MYBL1: variants seen among roughly 807,000 people sequenced by gnomAD.
MYBL1 encodes MYB proto-oncogene like 1.
A neutral mutation model predicts 96.3 loss-of-function variants in MYBL1; 17 were observed. That is an observed-to-expected ratio of 0.18 (90% CI 0.12 to 0.26). The LOEUF (loss-of-function observed/expected upper bound fraction) is 0.26. Among genes scored for constraint, MYBL1 ranks in the 10% least tolerant of loss-of-function variants. The pLI, the probability that MYBL1 is intolerant of heterozygous loss-of-function variation, is 1.00. For missense variants in MYBL1, 701 were observed against 882.9 expected (o/e 0.79, Z 2.61); for synonymous variants, 282 against 292.7 (o/e 0.96, Z 0.37).
At chr8:66,592,824 T>A (rs950389596) in intron 7 of MYBL1, among the ~76,000 whole-genome samples, 2 of 152,124 alleles carry the variant, frequency 1.3e-5, no homozygotes, top group African/African-American at 4.8e-5. Flanking sequence ...TTTATATTTT[T>A]AAATCTTAAT....
In MYBL1 at chr8:66,564,847, T is replaced by C. The variant is rs535695814; in HGVS notation, c.2131-22A>G. On this transcript the variant is annotated intron_variant, in intron 15 of 15. Transcript: ENST00000522677. ...TTGACTAGAAAGGAAATATTAATAG[T>C]GACATGAAAATTATTAAAATAGCTA... The C allele has an allele frequency of 2.6e-6, 4 of 1,512,302 alleles. No homozygotes were observed. The East Asian group carries it at 9.6e-5, about 36-fold the overall frequency. The allele number at this position is 1,512,302 out of a possible 1,614,324, so 93.7% of individuals were successfully genotyped here. A position where few individuals can be genotyped will look rare whatever the true frequency, so the allele number is the denominator to read the frequency against.
intron 10 of MYBL1, among the ~76,000 whole-genome samples, chr8:66,575,479 C>G (rs1808898835): frequency 6.6e-6 from 1 of 152,068 alleles, no homozygotes; most frequent in South Asian, 2.1e-4. Context: ...GAAAATGTCC[C>G]TCTAAAAACT....
intron 15 of MYBL1, 27 bp from the exon 16 acceptor site, chr8:66,564,852 T>A (rs141676020): frequency 2.7e-6 from 4 of 1,488,822 alleles, no homozygotes; most frequent in Non-Finnish European, 3.6e-6. Context: ...AATAGTGACA[T>A]GAAAATTATT....
At chr8:66,573,276 T>C in intron 11 of MYBL1, 88 bp downstream of exon 11, 5 of 1,225,906 alleles carry the variant, frequency 4.1e-6, no homozygotes, top group Non-Finnish European at 5.5e-6. Context: ...GGAATTATGA[T>C]ACTTGCTATT....
In MYBL1 at chr8:66,596,967, C is replaced by T. The variant is rs138370611; in HGVS notation, c.512+363G>A. Among the ~76,000 whole-genome samples the T allele has an allele frequency of 7.2e-4, 110 of 152,170 alleles. 1 individual carries two copies. The highest frequency in any genetic ancestry group is 2.4e-3 in the African/African-American group (101 of 41,556). On this transcript the variant is annotated intron_variant, in intron 5 of 15. Coordinates refer to ENST00000522677, the MANE Select transcript of MYBL1 (RefSeq NM_001080416.4). ...TCATTCCCTGGTCTTACACATAGAA[C>T]GCAATATGAAAGAAATCTTAGATTT...
At chr8:66,578,128 G>T (rs11987596) in intron 9 of MYBL1, among the ~76,000 whole-genome samples, 11,766 of 151,350 alleles carry the variant, frequency 0.078, 896 homozygotes, top group African/African-American at 0.19. Flanking sequence ...ATAAAAACCC[G>T]AGAAGAAAAC....
intron 8 of MYBL1, 110 bp from the exon 9 acceptor site, chr8:66,580,476 C>G: frequency 1.4e-6 from 1 of 712,306 alleles, no homozygotes. Context: ...AATATTTTGT[C>G]TTTCCTCAAA....
intron 12 of MYBL1, among the ~76,000 whole-genome samples, chr8:66,570,492 C>A (rs1000634741): frequency 6.6e-6 from 1 of 151,994 alleles, no homozygotes; most frequent in Non-Finnish European, 1.5e-5. Flanking sequence ...TATATGTTCA[C>A]CAAATGACCC....
intron 1 of MYBL1, chr8:66,612,166 T>C (rs1810555529): frequency 6.6e-6 from 1 of 152,250 alleles, no homozygotes; most frequent in South Asian, 2.1e-4. Context: ...AAACACATTG[T>C]TTTATTTCAA....
chr8:66,596,700 A>AT (rs1385453022), intron 5 of MYBL1, among the ~76,000 whole-genome samples: 4 of 152,132 alleles, frequency 2.6e-5, no homozygotes, highest in Non-Finnish European at 5.9e-5. Flanking sequence ...CAAAAGACAA[A>AT]TGCGTATCTT....
chr8:66,588,742 G>T (rs886598180), intron 8 of MYBL1, among the ~76,000 whole-genome samples: 5 of 152,128 alleles, frequency 3.3e-5, no homozygotes, highest in African/African-American at 1.2e-4. Context: ...AAACTTTAGG[G>T]AGGGCACGGT....
At chr8:66,593,852 G>A (rs964780209) in intron 6 of MYBL1, among the ~76,000 whole-genome samples, 1 of 151,986 alleles carries the variant, frequency 6.6e-6, no homozygotes, top group Non-Finnish European at 1.5e-5. Context: ...CCTTAAAATC[G>A]GGGCCGGGTA....
chr8:66,605,703 C>T (rs1166644013), intron 1 of MYBL1, among the ~76,000 whole-genome samples: 2 of 152,078 alleles, frequency 1.3e-5, no homozygotes, highest in Non-Finnish European at 2.9e-5. Flanking sequence ...GTAATGCCAG[C>T]TACTCGGGAG....
Position 66,604,290 on chromosome 8 carries a change from A to G in MYBL1, c.21-1767T>C, listed in dbSNP as rs1286832879. ...GTAATCCCAGCACTTTGGGAGGCTGAGTCGAGCAGATCATTTGAGGTCAGG... is the reference window on the plus strand; with the variant it reads ...GTAATCCCAGCACTTTGGGAGGCTGGGTCGAGCAGATCATTTGAGGTCAGG... On this transcript the variant is annotated intron_variant, in intron 1 of 15. Coordinates refer to ENST00000522677, the MANE Select transcript of MYBL1 (RefSeq NM_001080416.4). Among the ~76,000 whole-genome samples the G allele has an allele frequency of 2.6e-5, 4 of 152,300 alleles. No individual in the cohort carries two copies. In the East Asian group the frequency reaches 7.7e-4, roughly 29 times the overall value.
chr8:66,591,033 T>C (rs1305244762), intron 8 of MYBL1, among the ~76,000 whole-genome samples: 2 of 152,142 alleles, frequency 1.3e-5, no homozygotes, highest in Non-Finnish European at 2.9e-5. Flanking sequence ...CCCACGAATA[T>C]GTACAATTAT....
chr8:66,607,892 AG>A (rs1161901217), intron 1 of MYBL1, among the ~76,000 whole-genome samples: 1 of 152,178 alleles, frequency 6.6e-6, no homozygotes, highest in African/African-American at 2.4e-5. Context: ...TGCTTTTCAC[AG>A]GGTCTCTTTC....
chr8:66,584,505 C>G (rs1471600666), intron 8 of MYBL1, among the ~76,000 whole-genome samples: 1 of 152,140 alleles, frequency 6.6e-6, no homozygotes. Context: ...TAAAAAAACT[C>G]TTAGAACTGA....
chr8:66,587,637 T>C (rs1334291302), intron 8 of MYBL1, among the ~76,000 whole-genome samples: 4 of 152,140 alleles, frequency 2.6e-5, no homozygotes. Flanking sequence ...ATCGCCCTCT[T>C]TGTGTGTTGG....
Position 66,599,119 on chromosome 8 carries a change from C to T in MYBL1, c.222G>A (p.Gln74=). Residue 74 remains glutamine (Q), a synonymous_variant, in exon 4 of 16, where the codon CAG becomes CAA. Transcript: ENST00000522677. ...HLQNRSDFQC[Q]HRWQKVLNPE... ...GATTTAAAACTTTCTGCCATCGATG[C>T]TGGCACTGAAAATCAGAGCGATTCT... 1 of 1,594,282 alleles carries T rather than the reference C, an allele frequency of 6.3e-7. No individual in the cohort carries two copies. Among genetic ancestry groups the T allele is most frequent in the Non-Finnish European group, 8.5e-7 (1 of 1,171,848 alleles).
Sources: allele counts gnomAD v4.1 joint callset (sites outside exome capture counted in the v4.1 genomes callset), GRCh38; gene constraint gnomAD v4.1.1; transcripts MANE v1.5; gene names NCBI Gene and HGNC (gene_info 2026-07-23, HGNC 2026-07-21).